The following DPY19L1 variants were observed in gnomAD, a reference collection of about 807,000 sequenced individuals.
The protein encoded by DPY19L1 is protein C-mannosyl-transferase DPY19L1.
In DPY19L1, 35 loss-of-function variants were observed where a neutral mutation model predicts 96.9. The ratio of observed to expected loss-of-function variants is 0.36; its 90% CI spans 0.28 to 0.48. The LOEUF (loss-of-function observed/expected upper bound fraction) is 0.48. Ranked by LOEUF, DPY19L1 falls within the 20% of genes least tolerant of loss-of-function variation. DPY19L1 has a pLI of 0.99. For missense variants in DPY19L1, 521 were observed against 777.9 expected (o/e 0.67, Z 3.93); for synonymous variants, 205 against 252.6 (o/e 0.81, Z 1.79).
intron 7 of DPY19L1, among the ~76,000 whole-genome samples, chr7:34,974,343 A>C (rs1323809833): frequency 6.6e-6 from 1 of 152,226 alleles, no homozygotes; most frequent in Non-Finnish European, 1.5e-5. Context: ...GTCACACTAA[A>C]ATAATGATGT....
chr7:35,037,308 C>A lies in DPY19L1; in HGVS notation c.87G>T (p.Gly29=), dbSNP rs917662801. 27 of 350,198 alleles carry A rather than the reference C, an allele frequency of 7.7e-5. No homozygotes were observed. Among genetic ancestry groups the A allele is most frequent in the Non-Finnish European group, 1.4e-4 (27 of 195,270 alleles). The allele number at this position is 350,198 out of a possible 1,614,324, so 21.7% of individuals were successfully genotyped here. A position where few individuals can be genotyped will look rare whatever the true frequency, so the allele number is the denominator to read the frequency against. Residue 29 remains glycine (G), a synonymous_variant, in exon 1 of 22, where the codon GGG becomes GGT. Coordinates refer to ENST00000638088, the MANE Select transcript of DPY19L1 (RefSeq NM_001366673.1). The part of the protein sequence containing the change: ...PPRASQSPLR[G]ASDVGAGEPG... ...GCTCCCCGGCGCCGACGTCCGACGCCCCCCTCAGCGGCGACTGTGAGGCGC... is the reference window on the plus strand; with the variant it reads ...GCTCCCCGGCGCCGACGTCCGACGCACCCCTCAGCGGCGACTGTGAGGCGC...
At chr7:34,983,585 T>G (rs574505148) in intron 7 of DPY19L1, among the ~76,000 whole-genome samples, 1 of 150,136 alleles carries the variant, frequency 6.7e-6, no homozygotes, top group Non-Finnish European at 1.5e-5. Flanking sequence ...ATTTACCAGA[T>G]AGTGATAATA....
intron 13 of DPY19L1, among the ~76,000 whole-genome samples, chr7:34,951,899 G>C (rs1339270023): frequency 6.6e-6 from 1 of 151,590 alleles, no homozygotes; most frequent in Non-Finnish European, 1.5e-5. Flanking sequence ...GTAAAACCTA[G>C]GTAAAATGGA....
intron 6 of DPY19L1, among the ~76,000 whole-genome samples, chr7:34,995,936 A>C (rs1785274537): frequency 1.4e-5 from 2 of 146,876 alleles, no homozygotes; most frequent in African/African-American, 2.5e-5. Flanking sequence ...GGTGGGGGGG[A>C]TTCACTGGTT....
chr7:35,002,587 G>A (rs1299192146), intron 6 of DPY19L1, among the ~76,000 whole-genome samples: 1 of 111,746 alleles, frequency 8.9e-6, no homozygotes, highest in Non-Finnish European at 2.0e-5. Flanking sequence ...GTGTCCAAGA[G>A]AACACATGAA....
chr7:34,955,973 T>C (rs1224399745), intron 11 of DPY19L1, among the ~76,000 whole-genome samples: 1 of 152,174 alleles, frequency 6.6e-6, no homozygotes. Context: ...AGTGAAATTA[T>C]AAATATATGC....
At chr7:34,935,029 T>C (rs891467129) in intron 21 of DPY19L1, among the ~76,000 whole-genome samples, 1 of 152,202 alleles carries the variant, frequency 6.6e-6, no homozygotes, top group Non-Finnish European at 1.5e-5. Flanking sequence ...AAGTGCACAC[T>C]TTTTGCACAC....
intron 8 of DPY19L1, among the ~76,000 whole-genome samples, chr7:34,971,986 T>C (rs1264157484): frequency 6.6e-6 from 1 of 152,162 alleles, no homozygotes; most frequent in Non-Finnish European, 1.5e-5. Context: ...GTGGACCCAA[T>C]GTAACCACAG....
chr7:34,944,537 C>T (rs930005563), intron 16 of DPY19L1, among the ~76,000 whole-genome samples: 3 of 152,064 alleles, frequency 2.0e-5, no homozygotes, highest in African/African-American at 7.2e-5. Context: ...CTTTCCGGAT[C>T]ATTTCTATGC....
chr7:35,029,874 C>T (rs1313066102), intron 1 of DPY19L1, among the ~76,000 whole-genome samples: 1 of 152,124 alleles, frequency 6.6e-6, no homozygotes, highest in Non-Finnish European at 1.5e-5. Flanking sequence ...CAATTTTACA[C>T]GGATGTAATT....
intron 9 of DPY19L1, among the ~76,000 whole-genome samples, chr7:34,968,295 A>G (rs1477627833): frequency 6.6e-6 from 1 of 152,088 alleles, no homozygotes; most frequent in Non-Finnish European, 1.5e-5. Flanking sequence ...AATCATATAC[A>G]TTACTTCATC....
At chr7:34,949,166 T>C (rs1396717544) in intron 14 of DPY19L1, among the ~76,000 whole-genome samples, 2 of 152,174 alleles carry the variant, frequency 1.3e-5, no homozygotes, top group Non-Finnish European at 2.9e-5. Context: ...CAAATTAATA[T>C]TTTATTTATT....
chr7:35,032,314 G>C (rs191828210), intron 1 of DPY19L1, among the ~76,000 whole-genome samples: 1 of 152,160 alleles, frequency 6.6e-6, no homozygotes, highest in Non-Finnish European at 1.5e-5. Context: ...CTACATTCTA[G>C]GGGTGACCTT....
rs1283640897 is a variant in DPY19L1, at chr7:34,929,586, A to G, written c.*1987T>C. ...AATATAAAATAAATGTAAAAGTATAATTTTTAAAAATTGTAACTGCTGGAT... is the reference window on the plus strand; with the variant it reads ...AATATAAAATAAATGTAAAAGTATAGTTTTTAAAAATTGTAACTGCTGGAT... On this transcript the variant is annotated 3_prime_UTR_variant, in exon 22 of 22. Coordinates refer to ENST00000638088, the MANE Select transcript of DPY19L1 (RefSeq NM_001366673.1). The G allele has an allele frequency of 6.6e-6, 1 of 152,198 alleles. No homozygotes were observed. The highest frequency in any genetic ancestry group is 6.5e-5 in the Admixed American group (1 of 15,270). The allele number at this position is 152,198 out of a possible 1,614,324, so 9.4% of individuals were successfully genotyped here. A position where few individuals can be genotyped will look rare whatever the true frequency, so the allele number is the denominator to read the frequency against.
chr7:34,973,937 ATTAT>A (rs1158929571), intron 7 of DPY19L1, among the ~76,000 whole-genome samples: 2 of 152,196 alleles, frequency 1.3e-5, no homozygotes, highest in African/African-American at 4.8e-5. Flanking sequence ...TTTTGAGTTG[ATTAT>A]TTATCTATTG....
chr7:34,972,280 A>G (rs1198549046), intron 8 of DPY19L1, among the ~76,000 whole-genome samples: 1 of 152,196 alleles, frequency 6.6e-6, no homozygotes, highest in African/African-American at 2.4e-5. Flanking sequence ...ACTCCAAGAT[A>G]GTAGATCCCA....
chr7:34,983,500 A>C (rs544731719), intron 7 of DPY19L1, among the ~76,000 whole-genome samples: 1 of 143,818 alleles, frequency 7.0e-6, no homozygotes, highest in Non-Finnish European at 1.5e-5. Flanking sequence ...AGAAAGGGAA[A>C]GAGAGGAAGG....
chr7:34,969,529 A>T lies in DPY19L1; in HGVS notation c.918T>A (p.Ala306=). 6.5e-7 allele frequency: 1 copy of T among 1,537,072 alleles called. No homozygotes were observed. Among genetic ancestry groups the T allele is most frequent in the Non-Finnish European group, 8.7e-7 (1 of 1,145,130 alleles). ...QMLLVTHILR[A]TKLYRGSLIA... is the part of the protein sequence containing the mutation. ...TCAAGCTTCCTCTATAAAGTTTTGT[A>T]GCCCTTGAAAAGATAAAATAAGTGT... The change falls in exon 9 of 22, where the codon GCT becomes GCA. Residue 306 remains alanine, a synonymous_variant. Coordinates refer to ENST00000638088, the MANE Select transcript of DPY19L1 (RefSeq NM_001366673.1).
chr7:35,020,055 T>C (rs329242), intron 1 of DPY19L1, among the ~76,000 whole-genome samples: 41,581 of 151,860 alleles, frequency 0.27, 5,802 homozygotes, highest in Non-Finnish European at 0.31. Context: ...ATCGCTTGAG[T>C]CCAAGAGGTT....
Sources: allele counts gnomAD v4.1 joint callset (sites outside exome capture counted in the v4.1 genomes callset), GRCh38; gene constraint gnomAD v4.1.1; transcripts MANE v1.5; gene names NCBI Gene and HGNC (gene_info 2026-07-23, HGNC 2026-07-21).